The following MED27 variants were observed in gnomAD, a reference collection of about 807,000 sequenced individuals.
MED27 encodes mediator complex subunit 27.
MED27 carries 30 observed loss-of-function variants against 38.2 expected under a neutral mutation model. The observed-to-expected ratio is 0.79, with a 90% CI of 0.59 to 1.07. MED27 has a LOEUF of 1.07. Among genes scored for constraint, MED27 ranks in the 50% least tolerant of loss-of-function variants. The pLI is 0.00. For synonymous variants in MED27, 122 were observed against 153.5 expected, an observed-to-expected ratio of 0.79 and a Z score of 1.52; for missense variants, 289 against 397.5, an observed-to-expected ratio of 0.73 and a Z score of 2.32.
At chr9:131,987,492 G>A (rs71503133) in intron 3 of MED27, among the ~76,000 whole-genome samples, 1 of 152,100 alleles carries the variant, frequency 6.6e-6, no homozygotes, top group Non-Finnish European at 1.5e-5. Context: ...ATAAAACTGA[G>A]AGAAACTTCA....
chr9:132,034,606 ATAGCT>A (rs1833033778), intron 2 of MED27, among the ~76,000 whole-genome samples: 1 of 152,182 alleles, frequency 6.6e-6, no homozygotes, highest in African/African-American at 2.4e-5. Context: ...CCTCAGCGCG[ATAGCT>A]TGGGTTTCTG....
At position 131,860,719 on chromosome 9, in the gene MED27, C is replaced by A; in HGVS notation, c.802-47G>T. On this transcript the variant is annotated intron_variant, in intron 7 of 7. Coordinates refer to ENST00000292035, the MANE Select transcript of MED27 (RefSeq NM_004269.4). The surrounding 1 kb of genome is among the most constrained non-coding windows in gnomAD (Gnocchi z 5.8). ...GAAGTGAAAGAATGGGATACGGGTG[C>A]TCCCAAAGTCCTCCTTCCTATCAAG... The A allele has an allele frequency of 6.3e-7, 1 of 1,597,722 alleles. No individual in the cohort carries two copies. The highest frequency in any genetic ancestry group is 1.7e-5 in the Admixed American group (1 of 58,336).
intron 2 of MED27, among the ~76,000 whole-genome samples, chr9:132,018,124 T>C (rs1832643453): frequency 6.6e-6 from 1 of 152,204 alleles, no homozygotes; most frequent in Admixed American, 6.5e-5. Context: ...CATGACATTT[T>C]CTCTGAGGAC....
intron 2 of MED27, among the ~76,000 whole-genome samples, chr9:132,070,613 G>A (rs936645365): frequency 1.3e-5 from 2 of 152,138 alleles, no homozygotes; most frequent in African/African-American, 4.8e-5. Flanking sequence ...CAGGTAAGAG[G>A]ACTATAAAAC....
chr9:132,008,612 AATC>A (rs1832414925), intron 3 of MED27, among the ~76,000 whole-genome samples: 1 of 152,208 alleles, frequency 6.6e-6, no homozygotes, highest in African/African-American at 2.4e-5. Flanking sequence ...CTCAGGGAGG[AATC>A]TGAGTCTTCA....
At chr9:131,924,974 C>T (rs1787969061) in intron 4 of MED27, among the ~76,000 whole-genome samples, 1 of 151,998 alleles carries the variant, frequency 6.6e-6, no homozygotes, top group African/African-American at 2.4e-5. Flanking sequence ...ATTTTCTTTG[C>T]TTGTTTATTT....
At chr9:131,990,231 CATG>C (rs1396441631) in intron 3 of MED27, among the ~76,000 whole-genome samples, 2 of 152,172 alleles carry the variant, frequency 1.3e-5, no homozygotes, top group Non-Finnish European at 2.9e-5. Context: ...TTTTTCTTCC[CATG>C]ATTGAGCCCA....
chr9:131,971,118 A>G (rs1161348020), intron 3 of MED27, among the ~76,000 whole-genome samples: 3 of 152,244 alleles, frequency 2.0e-5, no homozygotes, highest in Non-Finnish European at 4.4e-5. Context: ...CAAAGGATAG[A>G]TAAAGAAAAC....
At chr9:132,042,771 G>C (rs544622291) in intron 2 of MED27, among the ~76,000 whole-genome samples, 115 of 152,292 alleles carry the variant, frequency 7.6e-4, no homozygotes, top group African/African-American at 2.6e-3. Flanking sequence ...AACTGAACTA[G>C]AGCCAGTGGA....
intron 2 of MED27, among the ~76,000 whole-genome samples, chr9:132,042,670 A>G (rs1833245187): frequency 6.6e-6 from 1 of 152,210 alleles, no homozygotes; most frequent in African/African-American, 2.4e-5. Flanking sequence ...TGCACACACC[A>G]CCATTGCAAG....
chr9:131,881,059 A>T (rs1839027832), intron 6 of MED27, among the ~76,000 whole-genome samples: 1 of 152,308 alleles, frequency 6.6e-6, no homozygotes, highest in East Asian at 1.9e-4. Context: ...TGGAGACTGG[A>T]GGAGGGAACT....
At chr9:131,974,971 T>C (rs1266622268) in intron 3 of MED27, among the ~76,000 whole-genome samples, 1 of 152,196 alleles carries the variant, frequency 6.6e-6, no homozygotes, top group Non-Finnish European at 1.5e-5. Context: ...GTAGTGGGTG[T>C]TCGATGGAAC....
intron 2 of MED27, among the ~76,000 whole-genome samples, chr9:132,031,191 G>A (rs1191434785): frequency 6.6e-6 from 1 of 152,216 alleles, no homozygotes; most frequent in Non-Finnish European, 1.5e-5. Context: ...CTCTGGAGAG[G>A]CTGTCCTAGA....
intron 2 of MED27, among the ~76,000 whole-genome samples, chr9:132,065,679 T>C (rs1833794758): frequency 6.6e-6 from 1 of 152,222 alleles, no homozygotes; most frequent in African/African-American, 2.4e-5. Context: ...TCAAGGCAAT[T>C]CCTCTAAGCT....
At position 132,062,702 on chromosome 9, in the gene MED27, C is replaced by T. The variant is rs1284625577; in HGVS notation, c.348+14740G>A. ...GGGTGATCACAGCTCACTATAGCCTCAAACTCCTGGGCTCAAGTGATCCTC... is the reference window on the plus strand; with the variant it reads ...GGGTGATCACAGCTCACTATAGCCTTAAACTCCTGGGCTCAAGTGATCCTC... On this transcript the variant is annotated intron_variant, in intron 2 of 7. Coordinates refer to ENST00000292035, the MANE Select transcript of MED27 (RefSeq NM_004269.4). 2.0e-5 allele frequency among the ~76,000 whole-genome samples: 3 copies of T among 151,990 alleles called. No homozygotes were observed. The East Asian group carries it at 5.8e-4, about 29-fold the overall frequency.
At chr9:132,031,421 T>C (rs918911669) in intron 2 of MED27, among the ~76,000 whole-genome samples, 4 of 152,240 alleles carry the variant, frequency 2.6e-5, no homozygotes, top group African/African-American at 9.6e-5. Context: ...AATCTTCATC[T>C]TCCATGGCAG....
At position 131,997,380 on chromosome 9, in the gene MED27, C is replaced by T. The variant is rs1375755006; in HGVS notation, c.479+16957G>A. Among the ~76,000 whole-genome samples the T allele has an allele frequency of 6.6e-6, 1 of 152,188 alleles. No homozygotes were observed. Among genetic ancestry groups the T allele is most frequent in the African/African-American group, 2.4e-5 (1 of 41,438 alleles). On this transcript the variant is annotated intron_variant, in intron 3 of 7. Coordinates refer to ENST00000292035, the MANE Select transcript of MED27 (RefSeq NM_004269.4). This position sits in a 1 kb window ranked among gnomAD's most constrained non-coding sequence, Gnocchi z 4.0. The stretch of plus-strand genomic sequence containing the variant: ...CAGGGTCAGCCTCTGCTGCAGACAG[C>T]TATCTCACCGAGGTCACAGCCTTCC...
At position 132,043,217 on chromosome 9, in the gene MED27, T is replaced by C. The variant is rs188161581; in HGVS notation, c.349-28750A>G. 2.3e-3 allele frequency among the ~76,000 whole-genome samples: 355 copies of C among 151,672 alleles called. 2 individuals carry two copies. Among genetic ancestry groups the C allele is most frequent in the Non-Finnish European group, 4.0e-3 (275 of 67,982 alleles). On this transcript the variant is annotated intron_variant, in intron 2 of 7. Coordinates refer to ENST00000292035, the MANE Select transcript of MED27 (RefSeq NM_004269.4). ...CGGAAAGAAAAAGTAACACTTATAC[T>C]AGAAGTCCAAGATTTGGGTGCTAGC...
chr9:131,932,553 G>A (rs535262255), intron 4 of MED27, among the ~76,000 whole-genome samples: 1 of 151,682 alleles, frequency 6.6e-6, no homozygotes, highest in African/African-American at 2.4e-5. Flanking sequence ...ACAACCTACC[G>A]AGACTGAACC....
Sources: gnomAD v4.1 joint callset for allele counts (sites outside exome capture counted in the v4.1 genomes callset) on GRCh38, gnomAD v4.1.1 for gene constraint, Gnocchi (gnomAD v3.1) non-coding constraint, MANE v1.5 for transcripts, NCBI Gene and HGNC (gene_info 2026-07-23, HGNC 2026-07-21) for gene names.